ANKRD6: variants seen among roughly 807,000 people sequenced by gnomAD.
The protein encoded by ANKRD6 is ankyrin repeat domain 6.
A neutral mutation model predicts 82.3 loss-of-function variants in ANKRD6; 56 were observed. The ratio of observed to expected loss-of-function variants is 0.68; its 90% CI spans 0.55 to 0.85. ANKRD6 has a LOEUF of 0.85. ANKRD6 is among the 40% of genes least tolerant of loss of function. ANKRD6 has a pLI of 0.00. For missense variants in ANKRD6, 852 were observed against 907.6 expected, an observed-to-expected ratio of 0.94 and a Z score of 0.79; for synonymous variants, 347 against 352.1, an observed-to-expected ratio of 0.99 and a Z score of 0.16.
At chr6:89,497,150 A>T (rs1365054374) in intron 1 of ANKRD6, among the ~76,000 whole-genome samples, 2 of 152,362 alleles carry the variant, frequency 1.3e-5, no homozygotes, top group Non-Finnish European at 1.5e-5. Flanking sequence ...TTCTCCCAAA[A>T]GTTTAAAAAA....
At chr6:89,553,554 T>A (rs1300096306) in intron 1 of ANKRD6, among the ~76,000 whole-genome samples, 1 of 152,186 alleles carries the variant, frequency 6.6e-6, no homozygotes. Context: ...AGTCAGACAT[T>A]TAATTCCCCG....
At chr6:89,568,512 C>T (rs948973023) in intron 2 of ANKRD6, among the ~76,000 whole-genome samples, 10 of 152,076 alleles carry the variant, frequency 6.6e-5, no homozygotes, top group Non-Finnish European at 8.8e-5. Flanking sequence ...TAATTTCTAG[C>T]GTATTTATAC....
chr6:89,562,370 C>T (rs1235648641), intron 1 of ANKRD6: 1 of 152,224 alleles, frequency 6.6e-6, no homozygotes, highest in African/African-American at 2.4e-5. Flanking sequence ...CTCCGCTGCT[C>T]CCACAAAGCA....
intron 1 of ANKRD6, among the ~76,000 whole-genome samples, chr6:89,545,161 C>T (rs909214896): frequency 3.5e-5 from 5 of 144,250 alleles, no homozygotes; most frequent in African/African-American, 1.0e-4. Context: ...TGCAGTGAGC[C>T]GAGATCACGC....
chr6:89,619,156 C>T (rs556922226), intron 9 of ANKRD6, among the ~76,000 whole-genome samples: 1 of 152,206 alleles, frequency 6.6e-6, no homozygotes, highest in South Asian at 2.1e-4. Flanking sequence ...TGGTCCTTCT[C>T]AGTGGTCTCT....
intron 1 of ANKRD6, among the ~76,000 whole-genome samples, chr6:89,536,638 T>C (rs959596771): frequency 6.6e-6 from 1 of 152,164 alleles, no homozygotes; most frequent in African/African-American, 2.4e-5. Context: ...GTAACTTGAA[T>C]GTGTGTGTGT....
intron 1 of ANKRD6, among the ~76,000 whole-genome samples, chr6:89,510,304 A>G (rs1406484378): frequency 1.3e-5 from 2 of 152,162 alleles, no homozygotes; most frequent in Non-Finnish European, 2.9e-5. Flanking sequence ...CTTGAGTCAC[A>G]TAATAATCTC....
At chr6:89,435,213 C>G (rs751762004) in intron 1 of ANKRD6, among the ~76,000 whole-genome samples, 3 of 152,280 alleles carry the variant, frequency 2.0e-5, no homozygotes, top group East Asian at 1.9e-4. Context: ...ACATCATACA[C>G]TCAGACAGTA....
rs533171111 is a variant in ANKRD6 at position 89,484,344 on chromosome 6, AT to A, written c.-144+50977del. Among the ~76,000 whole-genome samples the A allele has an allele frequency of 4.0e-3, 602 of 152,044 alleles. 4 individuals carry two copies. The highest frequency in any genetic ancestry group is 0.014 in the African/African-American group (571 of 41,492). ...TATGTCTTTGTCATGCTGTGGGCTT[AT>A]TTTTTTTATAAGTCCTTTACTAACT... On this transcript the variant is annotated intron_variant, in intron 1 of 15. Coordinates refer to ENST00000339746, the MANE Select transcript of ANKRD6 (RefSeq NM_001242809.2).
At chr6:89,483,909 T>C (rs1465383046) in intron 1 of ANKRD6, among the ~76,000 whole-genome samples, 2 of 150,762 alleles carry the variant, frequency 1.3e-5, no homozygotes, top group Admixed American at 1.3e-4. Flanking sequence ...TCTCTCTGTC[T>C]CTCTCTCTCT....
intron 1 of ANKRD6, among the ~76,000 whole-genome samples, chr6:89,559,753 GATA>G (rs1048062087): frequency 6.6e-6 from 1 of 152,154 alleles, no homozygotes; most frequent in African/African-American, 2.4e-5. Context: ...CCTCTAGAGT[GATA>G]ATTTTTTTGG....
chr6:89,597,307 A>G (rs915650875), intron 3 of ANKRD6, among the ~76,000 whole-genome samples: 2 of 152,222 alleles, frequency 1.3e-5, no homozygotes, highest in Non-Finnish European at 2.9e-5. Context: ...AACATTCTCA[A>G]CTATATCATA....
intron 13 of ANKRD6, among the ~76,000 whole-genome samples, chr6:89,625,230 C>G (rs1051672806): frequency 6.6e-6 from 1 of 151,394 alleles, no homozygotes; most frequent in African/African-American, 2.4e-5. Flanking sequence ...TTGTAGTGAG[C>G]AGAGATCATT....
At chr6:89,515,235 G>A (rs1181972053) in intron 1 of ANKRD6, among the ~76,000 whole-genome samples, 1 of 152,178 alleles carries the variant, frequency 6.6e-6, no homozygotes, top group Non-Finnish European at 1.5e-5. Context: ...TTTTCAGGGT[G>A]TCCAACTGAA....
chr6:89,603,320 ATTTTTTT>A (rs1229759944), intron 4 of ANKRD6, among the ~76,000 whole-genome samples, 193 bp downstream of exon 4: 2 of 114,712 alleles, frequency 1.7e-5, no homozygotes, highest in Non-Finnish European at 1.7e-5. Context: ...GCCAATTGTA[ATTTTTTT>A]TTTTTTTTTT....
intron 1 of ANKRD6, among the ~76,000 whole-genome samples, chr6:89,535,294 T>G (rs1419119139): frequency 6.6e-6 from 1 of 152,144 alleles, no homozygotes; most frequent in African/African-American, 2.4e-5. Flanking sequence ...AGGCCTGCAG[T>G]ATAAAATGGG....
At chr6:89,548,333 A>G (rs772656203) in intron 1 of ANKRD6, among the ~76,000 whole-genome samples, 6 of 152,176 alleles carry the variant, frequency 3.9e-5, no homozygotes, top group Non-Finnish European at 7.3e-5. Flanking sequence ...ATTTTTCAAG[A>G]TGCATCTATG....
chr6:89,556,747 A>T (rs1230821713), intron 1 of ANKRD6, among the ~76,000 whole-genome samples: 1 of 152,240 alleles, frequency 6.6e-6, no homozygotes, highest in Non-Finnish European at 1.5e-5. Flanking sequence ...ATGTTAACTG[A>T]GCACTTTCTA....
At chr6:89,540,174 G>A (rs974581165) in intron 1 of ANKRD6, among the ~76,000 whole-genome samples, 3 of 152,060 alleles carry the variant, frequency 2.0e-5, no homozygotes, top group Non-Finnish European at 2.9e-5. Flanking sequence ...GGATCATATC[G>A]TAGCTCAATT....
Sources: gnomAD v4.1 joint callset for allele counts (sites outside exome capture counted in the v4.1 genomes callset) on GRCh38, gnomAD v4.1.1 for gene constraint, MANE v1.5 for transcripts, NCBI Gene and HGNC (gene_info 2026-07-23, HGNC 2026-07-21) for gene names.